The following CLIP2 variants were observed in gnomAD, a reference collection of about 807,000 sequenced individuals.
CLIP2 encodes the protein CAP-Gly domain-containing linker protein 2.
In CLIP2, 41 loss-of-function variants were observed where a neutral mutation model predicts 111.7. The ratio of observed to expected loss-of-function variants is 0.37; its 90% CI spans 0.29 to 0.48. The LOEUF is 0.48. CLIP2 is among the 20% of genes least tolerant of loss of function. CLIP2 has a pLI of 0.99. For missense variants in CLIP2, 1,160 were observed against 1,422.1 expected, an observed-to-expected ratio of 0.82 and a Z score of 2.96; for synonymous variants, 660 against 644.2, an observed-to-expected ratio of 1.02 and a Z score of -0.37.
chr7:74,296,528 G>T (rs782492682), intron 1 of CLIP2, among the ~76,000 whole-genome samples: 1 of 151,304 alleles, frequency 6.6e-6, no homozygotes, highest in Non-Finnish European at 1.5e-5. Flanking sequence ...GGTGGCTCAC[G>T]CCTGTAATCC....
intron 3 of CLIP2, among the ~76,000 whole-genome samples, chr7:74,346,718 C>CAAAAAA (rs1214324954): frequency 5.4e-4 from 30 of 55,978 alleles, no homozygotes; most frequent in African/African-American, 1.1e-3. Flanking sequence ...GTAAGATTCT[C>CAAAAAA]AAAAAAAAAA....
At chr7:74,392,953 C>A (rs571608356) in intron 13 of CLIP2, among the ~76,000 whole-genome samples, 1 of 152,140 alleles carries the variant, frequency 6.6e-6, no homozygotes, top group East Asian at 1.9e-4. Context: ...TGGGCGTGGG[C>A]CCCCTGAGTC....
intron 13 of CLIP2, among the ~76,000 whole-genome samples, chr7:74,389,776 G>A (rs1224203372): frequency 1.3e-5 from 2 of 151,772 alleles, no homozygotes; most frequent in Non-Finnish European, 2.9e-5. Context: ...GTGTGTGCCT[G>A]TAGTCCCAGC....
Position 74,348,171 on chromosome 7 carries a change from A to C in CLIP2, c.679-5709A>C, listed in dbSNP as rs573784331. Among the ~76,000 whole-genome samples the C allele has an allele frequency of 1.1e-4, 17 of 152,252 alleles. No homozygotes were observed. In the South Asian group the frequency reaches 3.3e-3, roughly 30 times the overall value. ...GGGAACAGAGTGACTCCATTTCAAA[A>C]AAAAACAAAAACAGGAGCCAAAAGA... On this transcript the variant is annotated intron_variant, in intron 3 of 16. Coordinates refer to ENST00000223398, the MANE Select transcript of CLIP2 (RefSeq NM_003388.5).
At chr7:74,362,865 A>G (rs1790370846) in intron 7 of CLIP2, among the ~76,000 whole-genome samples, 1 of 152,038 alleles carries the variant, frequency 6.6e-6, no homozygotes, top group Admixed American at 6.6e-5. Context: ...AGTTTTGTTC[A>G]GAAGGGGCCT....
intron 6 of CLIP2, among the ~76,000 whole-genome samples, chr7:74,359,413 G>A (rs1350933932): frequency 6.9e-6 from 1 of 144,850 alleles, no homozygotes; most frequent in Non-Finnish European, 1.5e-5. Flanking sequence ...GAGTGCAGTA[G>A]TGTGATCTTG....
chr7:74,374,807 G>A (rs916970968), intron 9 of CLIP2, among the ~76,000 whole-genome samples: 4 of 152,196 alleles, frequency 2.6e-5, no homozygotes, highest in Non-Finnish European at 5.9e-5. Flanking sequence ...GCTTGTAATA[G>A]ATTTAAAGCT....
At chr7:74,331,483 T>C (rs1478955155) in intron 2 of CLIP2, among the ~76,000 whole-genome samples, 1 of 151,658 alleles carries the variant, frequency 6.6e-6, no homozygotes, top group Non-Finnish European at 1.5e-5. Context: ...CAGGTCTTGA[T>C]CCTGACTGAG....
At chr7:74,291,012 G>A (rs1378681380) in intron 1 of CLIP2, among the ~76,000 whole-genome samples, 1 of 152,210 alleles carries the variant, frequency 6.6e-6, no homozygotes, top group Non-Finnish European at 1.5e-5. Context: ...CCTGAAGGGG[G>A]TTTCGTGCAG....
At chr7:74,324,082 C>T (rs1466382311) in intron 2 of CLIP2, among the ~76,000 whole-genome samples, 2 of 151,920 alleles carry the variant, frequency 1.3e-5, no homozygotes, top group South Asian at 4.1e-4. Context: ...AACTTCTGCC[C>T]CCTGGGTTCA....
chr7:74,326,827 G>A (rs1442284161), intron 2 of CLIP2, among the ~76,000 whole-genome samples: 2 of 151,510 alleles, frequency 1.3e-5, no homozygotes, highest in African/African-American at 2.4e-5. Flanking sequence ...GAGTACAGAC[G>A]GGGTTTCACC....
chr7:74,343,894 C>G (rs1235126134), intron 3 of CLIP2, among the ~76,000 whole-genome samples: 5 of 151,294 alleles, frequency 3.3e-5, no homozygotes, highest in South Asian at 4.2e-4. Flanking sequence ...CAGAGTGAGA[C>G]GCTGTCTTAA....
At chr7:74,319,748 G>T (rs1554729741) in intron 2 of CLIP2, among the ~76,000 whole-genome samples, 1 of 151,906 alleles carries the variant, frequency 6.6e-6, no homozygotes, top group African/African-American at 2.4e-5. Flanking sequence ...TTGAGCCCAG[G>T]GGTTGGAGGC....
chr7:74,377,828 ATT>A (rs34445488), intron 10 of CLIP2, among the ~76,000 whole-genome samples: 3 of 142,754 alleles, frequency 2.1e-5, no homozygotes, highest in Non-Finnish European at 3.1e-5. Flanking sequence ...CCCCACATAC[ATT>A]TTTTTTTTTT....
chr7:74,360,150 G>C lies in CLIP2; in HGVS notation c.1216-25G>C, dbSNP rs374931670. On this transcript the variant is annotated intron_variant, in intron 6 of 16. Coordinates refer to ENST00000223398, the MANE Select transcript of CLIP2 (RefSeq NM_003388.5). ...CCATACCCCGGAGCATGCTGACCCT[G>C]TCCTGGCCTTCCTTGGGGGCCCAGT... The C allele has an allele frequency of 3.2e-6, 5 of 1,569,300 alleles. No individual in the cohort carries two copies. In the African/African-American group the frequency reaches 4.0e-5, roughly 13 times the overall value.
intron 1 of CLIP2, among the ~76,000 whole-genome samples, chr7:74,303,697 AG>A (rs1210491155): frequency 6.7e-6 from 1 of 148,524 alleles, no homozygotes; most frequent in African/African-American, 2.5e-5. Context: ...GGATCACCTG[AG>A]GTCAGGAGTT....
rs1554317341 is a variant in CLIP2, at chr7:74,400,356, C to A, written c.2881-14C>A. The A allele has an allele frequency of 7.5e-6, 12 of 1,595,372 alleles. No individual in the cohort carries two copies. The Admixed American group carries it at 8.5e-5, about 11-fold the overall frequency. On this transcript the variant is annotated splice_polypyrimidine_tract_variant and intron_variant, in intron 14 of 16. Coordinates refer to ENST00000223398, the MANE Select transcript of CLIP2 (RefSeq NM_003388.5). ...GCACACTCATGTACTCTTCCACTCT[C>A]CTGCCACTTCCAGGACAAAGAGAAA...
intron 13 of CLIP2, among the ~76,000 whole-genome samples, chr7:74,395,271 T>C (rs1467072896): frequency 6.6e-6 from 1 of 152,152 alleles, no homozygotes; most frequent in Non-Finnish European, 1.5e-5. Context: ...GCAATTCTCC[T>C]GCCCCAGCCT....
Position 74,400,552 on chromosome 7 carries a change from C to T in CLIP2, c.3063C>T (p.Ala1021=). The T allele has an allele frequency of 6.4e-7, 1 of 1,562,292 alleles. No homozygotes were observed. The highest frequency in any genetic ancestry group is 1.2e-5 in the South Asian group (1 of 85,586). The change falls in exon 15 of 17, where the codon GCC becomes GCT. Residue 1021 remains alanine, a synonymous_variant. Coordinates refer to ENST00000223398, the MANE Select transcript of CLIP2 (RefSeq NM_003388.5). ...CCATGAGGAGCTGCCCTGACAAGGC[C>T]CAGGTGAGCCGCGGCTGACAGGGCC... ...MEAMRSCPDK[A]QTIGNSGSAN...
Sources: allele counts gnomAD v4.1 joint callset (sites outside exome capture counted in the v4.1 genomes callset), GRCh38; gene constraint gnomAD v4.1.1; transcripts MANE v1.5; gene names NCBI Gene and HGNC (gene_info 2026-07-23, HGNC 2026-07-21).